The following IRF4 variants were observed in gnomAD, a reference collection of about 807,000 sequenced individuals.
The protein encoded by IRF4 is lymphocyte-specific interferon regulatory factor.
IRF4 carries 13 observed loss-of-function variants against 55.5 expected under a neutral mutation model. The observed-to-expected ratio is 0.23, with a 90% CI of 0.15 to 0.37. The LOEUF (loss-of-function observed/expected upper bound fraction) is 0.37, where lower values mean the gene tolerates loss of function less well. Among genes scored for constraint, IRF4 ranks in the 10% least tolerant of loss-of-function variants. The probability of loss-of-function intolerance (pLI) is 1.00; values close to 1 mark genes in which losing one functional copy is unlikely to be tolerated. For missense variants in IRF4, 397 were observed against 593.8 expected (o/e 0.67, Z 3.44); for synonymous variants, 249 against 240.7 (o/e 1.03, Z -0.32).
intron 5 of IRF4, chr6:397,466 C>T: frequency 3.6e-6 from 2 of 553,654 alleles, no homozygotes; most frequent in South Asian, 2.5e-5. Flanking sequence ...AGGCACTGCC[C>T]TTCGTGGGAT....
rs1761211545 is a variant in IRF4 at position 394,844 on chromosome 6, G to A, written c.240G>A (p.Lys80=). 6.2e-7 allele frequency: 1 copy of A among 1,614,052 alleles called. No individual in the cohort carries two copies. Among genetic ancestry groups the A allele is most frequent in the Admixed American group, 1.7e-5 (1 of 59,990 alleles). The change falls in exon 3 of 9, where the codon AAG becomes AAA. Residue 80 remains lysine, a synonymous_variant. Transcript: ENST00000380956. ...AGGCTTGGGCACTGTTTAAAGGAAAGTTCCGAGAAGGCATCGACAAGCCGG... is the reference window on the plus strand; with the variant it reads ...AGGCTTGGGCACTGTTTAAAGGAAAATTCCGAGAAGGCATCGACAAGCCGG... ...LFKAWALFKG[K]FREGIDKPDP... is the part of the protein sequence containing the mutation.
intron 3 of IRF4, among the ~76,000 whole-genome samples, chr6:395,508 A>G (rs1761228807): frequency 6.6e-6 from 1 of 152,176 alleles, no homozygotes; most frequent in Non-Finnish European, 1.5e-5. Flanking sequence ...TGTGTCTGGA[A>G]GAGAGCTCAG....
In IRF4 at chr6:408,562, C is replaced by T. The variant is rs966723235; in HGVS notation, c.*964C>T. 1 of 229,874 alleles carries T rather than the reference C, an allele frequency of 4.4e-6. No homozygotes were observed. Among genetic ancestry groups the T allele is most frequent in the Non-Finnish European group, 8.6e-6 (1 of 115,990 alleles). 14.2% of individuals were successfully genotyped at this position (229,874 alleles called of 1,614,324 possible). A position where few individuals can be genotyped will look rare whatever the true frequency, so the allele number is the denominator to read the frequency against. ...TTTTCTTGTTTCTGCATCTTTTTGA[C>T]CCTCATTCTTTAGAGATGCTAAAAT... On this transcript the variant is annotated 3_prime_UTR_variant, in exon 9 of 9. Coordinates refer to ENST00000380956, the MANE Select transcript of IRF4 (RefSeq NM_002460.4).
intron 6 of IRF4, among the ~76,000 whole-genome samples, chr6:400,723 T>C (rs1761374040): frequency 6.6e-6 from 1 of 151,980 alleles, no homozygotes; most frequent in African/African-American, 2.4e-5. Flanking sequence ...TGTATGTGAG[T>C]GTGTTTATAT....
intron 5 of IRF4, 46 bp from the exon 6 acceptor site, chr6:398,782 C>CG: frequency 6.9e-7 from 1 of 1,445,462 alleles, no homozygotes; most frequent in Non-Finnish European, 9.7e-7. Flanking sequence ...CGCGGTGCGT[C>CG]GGACTCTCTG....
Position 407,648 on chromosome 6 carries a change from T to A in IRF4, c.*50T>A. On this transcript the variant is annotated 3_prime_UTR_variant, in exon 9 of 9. Coordinates refer to ENST00000380956, the MANE Select transcript of IRF4 (RefSeq NM_002460.4). ...TTTTTCCTTTTTTTTTTTTTTTTTT[T>A]GATACGGGGATACGGGGTCTTGCTC... 7.5e-7 allele frequency: 1 copy of A among 1,341,376 alleles called. No homozygotes were observed. Among genetic ancestry groups the A allele is most frequent in the Non-Finnish European group, 1.0e-6 (1 of 977,742 alleles). 83.1% of individuals were successfully genotyped at this position (1,341,376 alleles called of 1,614,324 possible).
intron 6 of IRF4, among the ~76,000 whole-genome samples, chr6:401,070 C>G (rs78073965): frequency 6.6e-6 from 1 of 152,100 alleles, no homozygotes; most frequent in African/African-American, 2.4e-5. Context: ...TAGTGATGCT[C>G]TATAATAGGA....
chr6:396,091 C>T, intron 4 of IRF4, 156 bp downstream of exon 4: 1 of 612,626 alleles, frequency 1.6e-6, no homozygotes, highest in Non-Finnish European at 2.9e-6. Flanking sequence ...ACGAATGTCT[C>T]ACTTTCCACA....
chr6:410,907 T>C lies in IRF4; in HGVS notation c.*3309T>C. 4.3e-6 allele frequency: 1 copy of C among 232,822 alleles called. No homozygotes were observed. Among genetic ancestry groups the C allele is most frequent in the East Asian group, 6.0e-5 (1 of 16,650 alleles). The allele number at this position is 232,822 out of a possible 1,614,324, so 14.4% of individuals were successfully genotyped here. On this transcript the variant is annotated 3_prime_UTR_variant, in exon 9 of 9. Transcript: ENST00000380956. ...TTACACACCATTTTGTAAGTTATGT[T>C]TTACATGCCCCGTTTTTGAGACTGA...
At chr6:394,384 C>G (rs1761202006) in intron 2 of IRF4, among the ~76,000 whole-genome samples, 1 of 152,208 alleles carries the variant, frequency 6.6e-6, no homozygotes. Flanking sequence ...TGGGGTCTTT[C>G]AGTTTACGTT....
chr6:405,993 C>G (rs1761534174), intron 8 of IRF4, among the ~76,000 whole-genome samples: 1 of 152,146 alleles, frequency 6.6e-6, no homozygotes, highest in Admixed American at 6.5e-5. Context: ...TGTTCTAGCT[C>G]TGATGCTATT....
At chr6:395,732 A>G (rs2127437317) in intron 3 of IRF4, 115 bp from the exon 4 acceptor site, 2 of 756,046 alleles carry the variant, frequency 2.6e-6, no homozygotes, top group East Asian at 5.4e-5. Context: ...ATTTGTCAAC[A>G]CCGTGTTATG....
chr6:393,681 G>A lies in IRF4; in HGVS notation c.216+313G>A, dbSNP rs1412914491. On this transcript the variant is annotated intron_variant, in intron 2 of 8. Coordinates refer to ENST00000380956, the MANE Select transcript of IRF4 (RefSeq NM_002460.4). This position sits in a 1 kb window ranked among gnomAD's most constrained non-coding sequence, Gnocchi z 5.4. ...TTTGCGCGTTCGTCCGTGCGTTCTC[G>A]TTTCCACGCAAGCCTCCCGCCCTTC... 6.6e-6 allele frequency among the ~76,000 whole-genome samples: 1 copy of A among 152,162 alleles called. No homozygotes were observed. Among genetic ancestry groups the A allele is most frequent in the Non-Finnish European group, 1.5e-5 (1 of 68,012 alleles).
chr6:401,357 T>C, intron 6 of IRF4, 67 bp from the exon 7 acceptor site: 1 of 1,214,260 alleles, frequency 8.2e-7, no homozygotes, highest in African/African-American at 1.5e-5. Context: ...CTTGGCTCTG[T>C]GGAGTCGTTG....
intron 7 of IRF4, among the ~76,000 whole-genome samples, chr6:403,045 C>T (rs1249976329): frequency 1.3e-5 from 2 of 152,152 alleles, no homozygotes; most frequent in East Asian, 3.8e-4. Flanking sequence ...CCCCGCACCA[C>T]AAAAAAATAA....
intron 7 of IRF4, among the ~76,000 whole-genome samples, chr6:404,606 G>A (rs1188401196): frequency 6.6e-6 from 1 of 152,246 alleles, no homozygotes; most frequent in East Asian, 1.9e-4. Context: ...AAATGATCCT[G>A]GGATGTCGAA....
At chr6:398,046 A>G (rs914071191) in intron 5 of IRF4, among the ~76,000 whole-genome samples, 1 of 152,204 alleles carries the variant, frequency 6.6e-6, no homozygotes, top group Admixed American at 6.5e-5. Flanking sequence ...TAATGTTTGT[A>G]CTGAGTGGCA....
chr6:391,901 G>A (rs1327823140), intron 1 of IRF4, 92 bp downstream of exon 1: 1 of 449,910 alleles, frequency 2.2e-6, no homozygotes, highest in South Asian at 1.6e-5. Context: ...CCAGGGCAGC[G>A]CAGGGTACCC....
rs1301653439 is a variant in IRF4 at position 397,120 on chromosome 6, T to C, written c.505T>C (p.Tyr169His). ...TGCACTCCTTTAGCAGGTTCACAAC[T>C]ACATGATGCCACCCCTCGACCGAAG... Reference protein sequence around the residue: ...PSLPAQQVHNYMMPPLDRSWR... With the variant: ...PSLPAQQVHNHMMPPLDRSWR... Residue 169 changes from tyrosine to histidine, a missense_variant, in exon 5 of 9, where the codon TAC (tyrosine) becomes CAC (histidine). Tyr to His is a moderately conservative substitution (Grantham distance 83). Transcript: ENST00000380956. The C allele has an allele frequency of 2.5e-6, 4 of 1,614,110 alleles. No homozygotes were observed. The Admixed American group carries it at 5.0e-5, about 20-fold the overall frequency.
Sources: allele counts gnomAD v4.1 joint callset (sites outside exome capture counted in the v4.1 genomes callset), GRCh38; gene constraint gnomAD v4.1.1; non-coding constraint Gnocchi (gnomAD v3.1); transcripts MANE v1.5; gene names NCBI Gene and HGNC (gene_info 2026-07-23, HGNC 2026-07-21).